Variants in PCGF3 observed in about 807,000 individuals in gnomAD.
PCGF3 encodes polycomb group ring finger 3.
PCGF3 carries 7 observed loss-of-function variants against 33.1 expected under a neutral mutation model. The ratio of observed to expected loss-of-function variants is 0.21; its 90% CI spans 0.12 to 0.40. The LOEUF (loss-of-function observed/expected upper bound fraction) is 0.40. Among genes scored for constraint, PCGF3 ranks in the 10% least tolerant of loss-of-function variants. The pLI, the probability that PCGF3 is intolerant of heterozygous loss-of-function variation, is 1.00. For synonymous variants in PCGF3, 153 were observed against 121.3 expected, an observed-to-expected ratio of 1.26 and a Z score of -1.72; for missense variants, 211 against 313.3, an observed-to-expected ratio of 0.67 and a Z score of 2.46.
intron 8 of PCGF3, among the ~76,000 whole-genome samples, chr4:753,027 G>A (rs1744595833): frequency 6.6e-6 from 1 of 152,222 alleles, no homozygotes; most frequent in South Asian, 2.1e-4. Context: ...TACCTGGATA[G>A]TGGGAGACAG....
At chr4:717,595 C>T (rs1470662666) in intron 1 of PCGF3, among the ~76,000 whole-genome samples, 3 of 152,192 alleles carry the variant, frequency 2.0e-5, no homozygotes, top group Non-Finnish European at 2.9e-5. Flanking sequence ...GGCCAAGCTG[C>T]TCTCAAGCCC....
In PCGF3 at chr4:730,950, A is replaced by G. The variant is rs747077984; in HGVS notation, c.-150-20A>G. ...CATCCATGACGCGAAGTGAACTAAC[A>G]GGTGCCGTTTCTGTGCTAGAAAATG... On this transcript the variant is annotated intron_variant, in intron 2 of 10. Transcript: ENST00000362003. 15 of 398,216 alleles carry G rather than the reference A, an allele frequency of 3.8e-5. No homozygotes were observed. Among genetic ancestry groups the G allele is most frequent in the Non-Finnish European group, 6.2e-5 (14 of 225,832 alleles). 24.7% of individuals were successfully genotyped at this position (398,216 alleles called of 1,614,324 possible). A position where few individuals can be genotyped will look rare whatever the true frequency, so the allele number is the denominator to read the frequency against.
chr4:708,133 C>T (rs561687771), intron 1 of PCGF3, among the ~76,000 whole-genome samples: 1 of 152,078 alleles, frequency 6.6e-6, no homozygotes, highest in Non-Finnish European at 1.5e-5. Flanking sequence ...TCCCAGGGCC[C>T]GGCACCCTGA....
exon 11 of PCGF3, chr4:769,784 G>C (rs987111300): frequency 6.5e-6 from 1 of 152,690 alleles, no homozygotes; most frequent in Non-Finnish European, 1.5e-5. Flanking sequence ...TTTCCCAGAC[G>C]AAAGCAATGT....
At chr4:761,565 A>G (rs73222808) in intron 9 of PCGF3, 149 bp downstream of exon 9, 78,553 of 1,363,006 alleles carry the variant, frequency 0.058, 2,785 homozygotes, top group East Asian at 0.14. Context: ...TTCACCGGGG[A>G]GCGGGATAGG....
At chr4:707,347 G>A (rs1049897234) in intron 1 of PCGF3, among the ~76,000 whole-genome samples, 1 of 152,196 alleles carries the variant, frequency 6.6e-6, no homozygotes, top group African/African-American at 2.4e-5. Context: ...GGTCACAGAC[G>A]AGGGCCAGGA....
At chr4:765,944 G>A (rs562693919) in intron 10 of PCGF3, 88 bp from the exon 11 acceptor site, 129 of 1,194,786 alleles carry the variant, frequency 1.1e-4, no homozygotes, top group African/African-American at 2.7e-4. Flanking sequence ...CTCACGGGAC[G>A]TGATTCCTCA....
intron 1 of PCGF3, among the ~76,000 whole-genome samples, chr4:711,311 T>A (rs1463355697): frequency 6.6e-6 from 1 of 152,222 alleles, no homozygotes; most frequent in Non-Finnish European, 1.5e-5. Context: ...TTACTTGGGT[T>A]TTTTTATTTG....
In PCGF3 at chr4:758,659, G is replaced by C. The variant is rs1205405135; in HGVS notation, c.463-2620G>C. ...CCCTCTCCCGAGTTCTTCTCCTTCCGGACTCCAGGTCTTTCTCCCCGCGCG... is the reference window on the plus strand; with the variant it reads ...CCCTCTCCCGAGTTCTTCTCCTTCCCGACTCCAGGTCTTTCTCCCCGCGCG... On this transcript the variant is annotated intron_variant, in intron 8 of 10. Transcript: ENST00000362003. Among the ~76,000 whole-genome samples the C allele has an allele frequency of 6.0e-5, 5 of 83,232 alleles. 1 individual carries two copies. Among genetic ancestry groups the C allele is most frequent in the African/African-American group, 1.9e-4 (4 of 20,872 alleles). The allele number at this position is 83,232 out of a possible 152,430, so 54.6% of individuals were successfully genotyped here.
chr4:763,948 C>A (rs775766898), intron 9 of PCGF3, among the ~76,000 whole-genome samples: 1 of 152,222 alleles, frequency 6.6e-6, no homozygotes, highest in Non-Finnish European at 1.5e-5. Context: ...AGTAGAGAAG[C>A]CCCTCTGAAA....
chr4:761,245 C>G (rs572493992), intron 8 of PCGF3, 34 bp from the exon 9 acceptor site: 3 of 1,541,588 alleles, frequency 1.9e-6, no homozygotes, highest in Non-Finnish European at 2.6e-6. Context: ...GGGGAACCCT[C>G]CTGCTGCGCT....
At chr4:715,269 C>G (rs1304648272) in intron 1 of PCGF3, among the ~76,000 whole-genome samples, 1 of 134,578 alleles carries the variant, frequency 7.4e-6, no homozygotes, top group Non-Finnish European at 1.6e-5. Flanking sequence ...GTGCTGGGAC[C>G]CTGTAGACAC....
intron 8 of PCGF3, among the ~76,000 whole-genome samples, chr4:750,311 C>T (rs1190457705): frequency 6.6e-6 from 1 of 152,230 alleles, no homozygotes; most frequent in Non-Finnish European, 1.5e-5. Flanking sequence ...TAGTCTCCTT[C>T]CCGGGCGGTC....
In PCGF3 at chr4:720,286, G is replaced by A. The variant is rs1411805232; in HGVS notation, c.-189-10344G>A. Among the ~76,000 whole-genome samples, 1 of 152,126 alleles carries A rather than the reference G, an allele frequency of 6.6e-6. No homozygotes were observed. Among genetic ancestry groups the A allele is most frequent in the African/African-American group, 2.4e-5 (1 of 41,440 alleles). Reference sequence around the variant, plus strand: ...GTGCATCGCTGCAGAGGGTGACTGCGGGAGGAGTGCCCGCCCATGCATCGC... The same window carrying A: ...GTGCATCGCTGCAGAGGGTGACTGCAGGAGGAGTGCCCGCCCATGCATCGC... On this transcript the variant is annotated intron_variant, in intron 1 of 10. Transcript: ENST00000362003. The surrounding 1 kb of genome is among the most constrained non-coding windows in gnomAD (Gnocchi z 5.6).
In PCGF3 at chr4:734,170, C is replaced by T. The variant is rs1317404520; in HGVS notation, c.109+381C>T. 3.3e-6 allele frequency: 5 copies of T among 1,504,910 alleles called. No individual in the cohort carries two copies. In the African/African-American group the frequency reaches 4.1e-5, roughly 12 times the overall value. 93.2% of individuals were successfully genotyped at this position (1,504,910 alleles called of 1,614,324 possible). A position where few individuals can be genotyped will look rare whatever the true frequency, so the allele number is the denominator to read the frequency against. ...GTGTTCTTCACACCTGATGTGCGTC[C>T]TCACACCTGATGAGTCTGTGCTTTG... On this transcript the variant is annotated intron_variant, in intron 4 of 10. Coordinates refer to ENST00000362003, the Ensembl canonical transcript of PCGF3.
exon 11 of PCGF3, chr4:768,425 A>G (rs961404297): frequency 6.7e-6 from 1 of 149,848 alleles, no homozygotes; most frequent in African/African-American, 2.5e-5. Context: ...GCTGAATTTC[A>G]TTTTTTCCAG....
At chr4:768,513 T>C (rs549216803) in exon 11 of PCGF3, 1 of 152,230 alleles carries the variant, frequency 6.6e-6, no homozygotes, top group South Asian at 2.1e-4. Flanking sequence ...TGTGAAGAAG[T>C]TTTCACAACT....
intron 6 of PCGF3, among the ~76,000 whole-genome samples, chr4:742,063 C>T (rs1744116557): frequency 6.6e-6 from 1 of 152,080 alleles, no homozygotes; most frequent in Admixed American, 6.6e-5. Flanking sequence ...TGTGAGGCTC[C>T]AGCACTCCAT....
intron 6 of PCGF3, among the ~76,000 whole-genome samples, chr4:743,040 G>A (rs1475878618): frequency 6.6e-6 from 1 of 152,220 alleles, no homozygotes; most frequent in African/African-American, 2.4e-5. Flanking sequence ...TCTCTGAGCT[G>A]CGGGTGTCCA....
Sources: allele counts gnomAD v4.1 joint callset (sites outside exome capture counted in the v4.1 genomes callset), GRCh38; gene constraint gnomAD v4.1.1; non-coding constraint Gnocchi (gnomAD v3.1); transcripts MANE v1.5; gene names NCBI Gene and HGNC (gene_info 2026-07-23, HGNC 2026-07-21).